APOH: variants seen among roughly 807,000 people sequenced by gnomAD.
APOH encodes the protein apolipoprotein H, also known as beta-2-glycoprotein 1.
Under a neutral mutation model 39.8 loss-of-function variants are expected in APOH, and 48 were observed. The ratio of observed to expected loss-of-function variants is 1.21; its 90% CI spans 0.96 to 1.54. The LOEUF (loss-of-function observed/expected upper bound fraction) is 1.54. APOH is among the 40% of genes most tolerant of loss of function. APOH has a pLI of 0.00. For missense variants in APOH, 415 were observed against 421.2 expected (o/e 0.99, Z 0.13); for synonymous variants, 153 against 151.1 (o/e 1.01, Z -0.09).
At chr17:66,215,027 T>C (rs776056883) in intron 6 of APOH, among the ~76,000 whole-genome samples, 80 of 152,194 alleles carry the variant, frequency 5.3e-4, no homozygotes, top group East Asian at 7.7e-4. Flanking sequence ...CCACCAGCCA[T>C]TGTGAGTGTT....
intron 2 of APOH, among the ~76,000 whole-genome samples, chr17:66,226,895 A>AC (rs1555573057): frequency 9.3e-6 from 1 of 108,018 alleles, no homozygotes; most frequent in African/African-American, 4.1e-5. Context: ...TTATTTATTT[A>AC]TTTTTTTTTT....
intron 4 of APOH, among the ~76,000 whole-genome samples, chr17:66,222,388 T>C (rs1168001546): frequency 6.6e-6 from 1 of 151,994 alleles, no homozygotes; most frequent in Non-Finnish European, 1.5e-5. Flanking sequence ...TACCTCTAAA[T>C]AAAGAAGCAA....
chr17:66,214,514 A>T lies in APOH; in HGVS notation c.921T>A (p.Cys307Ter). Residue 307 changes from cysteine (C) to a stop codon, truncating the protein, a stop_gained, in exon 7 of 8, where the codon TGT becomes TGA. Coordinates refer to ENST00000205948, the MANE Select transcript of APOH (RefSeq NM_000042.3). LOFTEE classifies it high-confidence loss of function. ...SFFCKNKEKK[C>*]SYTEDAQCID... is the part of the protein sequence containing the mutation. ...TACACTGAGCATCCTCTGTATAGCTACACTTCTTTTCCTTATTTTTGCAGA... is the reference window on the plus strand; with the variant it reads ...TACACTGAGCATCCTCTGTATAGCTTCACTTCTTTTCCTTATTTTTGCAGA... 6.2e-7 allele frequency: 1 copy of T among 1,614,144 alleles called. No individual in the cohort carries two copies. The highest frequency in any genetic ancestry group is 8.5e-7 in the Non-Finnish European group (1 of 1,180,008).
chr17:66,227,852 T>A (rs1484755603), intron 2 of APOH, among the ~76,000 whole-genome samples, 168 bp downstream of exon 2: 2 of 152,174 alleles, frequency 1.3e-5, no homozygotes, highest in Non-Finnish European at 2.9e-5. Flanking sequence ...TTACCCTTAC[T>A]CTCTTTGCAC....
rs768466597 is a variant in APOH, at chr17:66,223,804, A to G, written c.339-30T>C. On this transcript the variant is annotated intron_variant, in intron 3 of 7. Transcript: ENST00000205948. ...AAAAGGAAAATTCATTCTATCAAGG[A>G]GTAAAATAATCCATCACTGACATCT... The G allele has an allele frequency of 1.9e-6, 3 of 1,591,096 alleles. No homozygotes were observed. The African/African-American group carries it at 4.0e-5, about 21-fold the overall frequency.
chr17:66,213,637 CAGAAAAGACTT>C (rs2073347915), intron 7 of APOH, among the ~76,000 whole-genome samples: 1 of 152,124 alleles, frequency 6.6e-6, no homozygotes, highest in Admixed American at 6.5e-5. Context: ...CTGAGTTTTA[CAGAAAAGACTT>C]AGAAAAGAGG....
chr17:66,220,681 TG>T lies in APOH; in HGVS notation c.476del (p.Ser159Ter). ...TFATLRVYKP[S>X]AGNNSLYRDT... ...CCCGATAGAGGGAATTGTTTCCAGC[TG>T]ATGGCTTATAAACACGAAGTGTTGC... On this transcript the variant is annotated frameshift_variant, in exon 5 of 8. Coordinates refer to ENST00000205948, the MANE Select transcript of APOH (RefSeq NM_000042.3). LOFTEE classifies it high-confidence loss of function. 3.1e-6 allele frequency: 5 copies of T among 1,614,158 alleles called. No individual in the cohort carries two copies. The highest frequency in any genetic ancestry group is 3.4e-6 in the Non-Finnish European group (4 of 1,180,032).
intron 3 of APOH, among the ~76,000 whole-genome samples, chr17:66,224,054 A>G (rs1157274309): frequency 2.6e-5 from 4 of 152,214 alleles, no homozygotes; most frequent in East Asian, 3.9e-4. Flanking sequence ...TGTTTCTAAT[A>G]TAAAGCAAAG....
At chr17:66,225,744 G>A (rs8178910) in intron 3 of APOH, among the ~76,000 whole-genome samples, 2 of 152,126 alleles carry the variant, frequency 1.3e-5, no homozygotes, top group Admixed American at 1.3e-4. Context: ...GGGCGTGGTG[G>A]CGGGCGCCAG....
At chr17:66,216,166 CAAA>C (rs35488139) in intron 6 of APOH, among the ~76,000 whole-genome samples, 1 of 108,258 alleles carries the variant, frequency 9.2e-6, no homozygotes, top group Non-Finnish European at 1.9e-5. Context: ...GACTCCATCT[CAAA>C]AAAAAAAAAA....
At chr17:66,212,779 T>A (rs2073343835) in intron 7 of APOH, among the ~76,000 whole-genome samples, 1 of 152,236 alleles carries the variant, frequency 6.6e-6, no homozygotes, top group South Asian at 2.1e-4. Flanking sequence ...ATCGGCCCTT[T>A]ACAGTACTGC....
chr17:66,224,935 T>C (rs771425170), intron 3 of APOH, among the ~76,000 whole-genome samples: 3 of 151,634 alleles, frequency 2.0e-5, no homozygotes, highest in Non-Finnish European at 4.4e-5. Flanking sequence ...GGTGTGGTGG[T>C]AGGCGCCTGT....
chr17:66,213,977 C>A (rs967035678), intron 7 of APOH, among the ~76,000 whole-genome samples: 2 of 152,016 alleles, frequency 1.3e-5, no homozygotes, highest in African/African-American at 4.8e-5. Context: ...AGTGGGGACG[C>A]CATCTGCAGC....
intron 3 of APOH, among the ~76,000 whole-genome samples, chr17:66,225,750 G>A (rs370726011): frequency 6.6e-6 from 1 of 152,024 alleles, no homozygotes; most frequent in African/African-American, 2.4e-5. Context: ...GGTGGCGGGC[G>A]CCAGTAGTCC....
intron 2 of APOH, among the ~76,000 whole-genome samples, chr17:66,227,741 C>T (rs16958979): frequency 0.093 from 14,184 of 152,134 alleles, 808 homozygotes; most frequent in African/African-American, 0.17. Context: ...GTTCTTTTAA[C>T]TTCTGTAGTG....
Position 66,223,676 on chromosome 17 carries a change from AT to A in APOH, c.415+21del, listed in dbSNP as rs764971114. On this transcript the variant is annotated intron_variant, in intron 4 of 7. Coordinates refer to ENST00000205948, the MANE Select transcript of APOH (RefSeq NM_000042.3). Reference sequence around the variant, plus strand: ...AGAAAGGTTCTGGGCAAACCAGCTGATCACCTTGCCCACAGACTTACGAGCA... The same window carrying A: ...AGAAAGGTTCTGGGCAAACCAGCTGACACCTTGCCCACAGACTTACGAGCA... The A allele has an allele frequency of 4.3e-6, 7 of 1,611,796 alleles. No homozygotes were observed. The Admixed American group carries it at 1.0e-4, about 23-fold the overall frequency.
Position 66,212,056 on chromosome 17 carries a change from T to C in APOH, c.*77A>G. On this transcript the variant is annotated 3_prime_UTR_variant, in exon 8 of 8. Coordinates refer to ENST00000205948, the MANE Select transcript of APOH (RefSeq NM_000042.3). ...GGTGCGGCAATAAATTCAGTAGCTT[T>C]ATTTTTAAATTTCAATTAGGTTCCT... is the stretch of plus-strand genomic sequence containing the variant. 1.5e-6 allele frequency: 2 copies of C among 1,294,434 alleles called. No homozygotes were observed. The highest frequency in any genetic ancestry group is 2.2e-6 in the Non-Finnish European group (2 of 895,498). The allele number at this position is 1,294,434 out of a possible 1,614,324, so 80.2% of individuals were successfully genotyped here. A position where few individuals can be genotyped will look rare whatever the true frequency, so the allele number is the denominator to read the frequency against.
chr17:66,224,470 TAAAAAAA>T (rs760150264), intron 3 of APOH, among the ~76,000 whole-genome samples: 7 of 43,026 alleles, frequency 1.6e-4, no homozygotes, highest in East Asian at 3.4e-3. Context: ...GAAGATCCTG[TAAAAAAA>T]AAAAAAAAAA....
intron 7 of APOH, among the ~76,000 whole-genome samples, chr17:66,212,685 C>T (rs570923940): frequency 1.3e-5 from 2 of 152,228 alleles, no homozygotes; most frequent in Admixed American, 1.3e-4. Context: ...GGCCAAGATC[C>T]TCATTTTCAA....
Sources: gnomAD v4.1 joint callset for allele counts (sites outside exome capture counted in the v4.1 genomes callset) on GRCh38, gnomAD v4.1.1 for gene constraint, MANE v1.5 for transcripts, NCBI Gene and HGNC (gene_info 2026-07-23, HGNC 2026-07-21) for gene names.